The following ASTN2 variants were observed in gnomAD, a reference collection of about 807,000 sequenced individuals.
The protein encoded by ASTN2 is astrotactin 2, also known as astrotactin-2.
Under a neutral mutation model 139.8 loss-of-function variants are expected in ASTN2, and 54 were observed. The ratio of observed to expected loss-of-function variants is 0.39; its 90% CI spans 0.31 to 0.48. ASTN2 has a LOEUF of 0.48. Ranked by LOEUF, ASTN2 falls within the 20% of genes least tolerant of loss-of-function variation. ASTN2 has a pLI of 0.95. For missense variants in ASTN2, 1,565 were observed against 1,725.1 expected (o/e 0.91, Z 1.64); for synonymous variants, 756 against 719.5 (o/e 1.05, Z -0.81).
At chr9:117,259,794 G>T (rs893123694) in intron 2 of ASTN2, among the ~76,000 whole-genome samples, 8 of 152,114 alleles carry the variant, frequency 5.3e-5, no homozygotes, top group African/African-American at 1.7e-4. Flanking sequence ...GACACCTGTT[G>T]TTAGGAACCC....
intron 10 of ASTN2, among the ~76,000 whole-genome samples, chr9:116,953,247 T>C (rs564696549): frequency 1.3e-5 from 2 of 152,352 alleles, no homozygotes; most frequent in Admixed American, 1.3e-4. Context: ...AACTGAGGCC[T>C]AACAAGGTTA....
intron 14 of ASTN2, among the ~76,000 whole-genome samples, chr9:116,730,334 A>T (rs1423724631): frequency 6.6e-6 from 1 of 151,900 alleles, no homozygotes; most frequent in Non-Finnish European, 1.5e-5. Flanking sequence ...AAAGTTGTCC[A>T]TTACTGTCAA....
chr9:116,854,331 C>T (rs1339129433), intron 11 of ASTN2, among the ~76,000 whole-genome samples: 1 of 152,212 alleles, frequency 6.6e-6, no homozygotes, highest in Non-Finnish European at 1.5e-5. Flanking sequence ...CGTATGCATT[C>T]TCAGTTAGTC....
chr9:116,842,654 G>C (rs1008252795), intron 11 of ASTN2, among the ~76,000 whole-genome samples: 9 of 147,454 alleles, frequency 6.1e-5, no homozygotes, highest in African/African-American at 2.2e-4. Flanking sequence ...TAATTACTGG[G>C]AGTTTTAATC....
intron 2 of ASTN2, among the ~76,000 whole-genome samples, chr9:117,225,242 A>C (rs1299592463): frequency 6.6e-6 from 1 of 152,002 alleles, no homozygotes; most frequent in African/African-American, 2.4e-5. Flanking sequence ...TCTGTCTGTA[A>C]GAGAGGGCTG....
intron 1 of ASTN2, among the ~76,000 whole-genome samples, chr9:117,317,384 T>A (rs1208373637): frequency 6.6e-6 from 1 of 152,188 alleles, no homozygotes; most frequent in Non-Finnish European, 1.5e-5. Context: ...TGGCCCTATC[T>A]AGATATTATT....
chr9:116,836,085 C>T lies in ASTN2; in HGVS notation c.2041-15302G>A, dbSNP rs78409647. ...TGGCCTTCTCTGATACCCCAAAGGC[C>T]CCTCTTTTCAGCTGGATGAGGTAGG... On this transcript the variant is annotated intron_variant, in intron 11 of 22. Transcript: ENST00000313400. 2.6e-3 allele frequency among the ~76,000 whole-genome samples: 399 copies of T among 152,218 alleles called. 2 individuals carry two copies. Among genetic ancestry groups the T allele is most frequent in the Non-Finnish European group, 2.8e-3 (189 of 68,028 alleles).
At chr9:117,051,979 A>C (rs1838923596) in intron 5 of ASTN2, among the ~76,000 whole-genome samples, 1 of 152,220 alleles carries the variant, frequency 6.6e-6, no homozygotes. Context: ...ACATGACCTT[A>C]ATAAGCTGGT....
At chr9:117,184,915 T>C (rs1588052022) in intron 3 of ASTN2, among the ~76,000 whole-genome samples, 2 of 152,178 alleles carry the variant, frequency 1.3e-5, no homozygotes, top group East Asian at 3.9e-4. Flanking sequence ...AGATTGTTCA[T>C]ATATTATTGC....
chr9:117,349,183 G>A lies in ASTN2; in HGVS notation c.443-57670C>T, dbSNP rs113093712. 5.6e-3 allele frequency among the ~76,000 whole-genome samples: 851 copies of A among 152,270 alleles called. 10 individuals carry two copies. Among genetic ancestry groups the A allele is most frequent in the African/African-American group, 0.019 (797 of 41,554 alleles). On this transcript the variant is annotated intron_variant, in intron 1 of 22. Coordinates refer to ENST00000313400, the MANE Select transcript of ASTN2 (RefSeq NM_001365068.1). The stretch of plus-strand genomic sequence containing the variant: ...GCACAGCAGACAGGAAGCTGCCGGG[G>A]CGGGTGAAGGCTCAGTCCTCTCCAC...
chr9:116,863,118 CA>C (rs1228079365), intron 11 of ASTN2, among the ~76,000 whole-genome samples: 1 of 151,980 alleles, frequency 6.6e-6, no homozygotes, highest in Non-Finnish European at 1.5e-5. Context: ...CTTTTGAAGC[CA>C]AAGCCAAAGC....
chr9:116,967,918 G>A (rs1391567900), intron 10 of ASTN2, among the ~76,000 whole-genome samples: 2 of 152,206 alleles, frequency 1.3e-5, no homozygotes, highest in Non-Finnish European at 2.9e-5. Flanking sequence ...TCTTTATACC[G>A]CTCTGAACCA....
At chr9:116,740,295 T>C (rs892848456) in intron 13 of ASTN2, among the ~76,000 whole-genome samples, 8 of 152,228 alleles carry the variant, frequency 5.3e-5, no homozygotes, top group Non-Finnish European at 1.2e-4. Context: ...TTTAATTTCA[T>C]GCATCTTCTT....
intron 3 of ASTN2, among the ~76,000 whole-genome samples, chr9:117,209,818 C>A (rs968269436): frequency 3.9e-5 from 6 of 152,112 alleles, no homozygotes; most frequent in African/African-American, 1.4e-4. Flanking sequence ...CAAAACAAAT[C>A]TCAGAAAATT....
intron 13 of ASTN2, among the ~76,000 whole-genome samples, chr9:116,746,705 T>A (rs962332379): frequency 6.6e-6 from 1 of 152,202 alleles, no homozygotes; most frequent in Non-Finnish European, 1.5e-5. Context: ...AATGCCCCTC[T>A]TTTCATTTGG....
At chr9:117,262,780 G>A (rs778196023) in intron 2 of ASTN2, among the ~76,000 whole-genome samples, 2 of 152,122 alleles carry the variant, frequency 1.3e-5, no homozygotes, top group Non-Finnish European at 2.9e-5. Context: ...TTATCAAGAA[G>A]GACCTAATGT....
intron 20 of ASTN2, among the ~76,000 whole-genome samples, chr9:116,457,969 T>G (rs746684093): frequency 6.6e-6 from 1 of 151,922 alleles, no homozygotes; most frequent in Non-Finnish European, 1.5e-5. Flanking sequence ...AACAGACTAA[T>G]GGATAAAGAA....
intron 19 of ASTN2, among the ~76,000 whole-genome samples, chr9:116,558,585 G>A (rs1430737669): frequency 1.3e-5 from 2 of 152,178 alleles, no homozygotes; most frequent in Admixed American, 6.5e-5. Flanking sequence ...GTTCAACTCA[G>A]AGAAGTAGAC....
chr9:116,818,878 A>T (rs766242372), intron 12 of ASTN2, among the ~76,000 whole-genome samples: 109 of 152,204 alleles, frequency 7.2e-4, no homozygotes, highest in Non-Finnish European at 1.4e-3. Flanking sequence ...CAGCAAGGAG[A>T]TGTTGAGCCA....
Sources: allele counts gnomAD v4.1 joint callset (sites outside exome capture counted in the v4.1 genomes callset), GRCh38; gene constraint gnomAD v4.1.1; transcripts MANE v1.5; gene names NCBI Gene and HGNC (gene_info 2026-07-23, HGNC 2026-07-21).